JPH2: variants seen among roughly 807,000 people sequenced by gnomAD.
JPH2 encodes junctophilin-2.
In JPH2, 38 loss-of-function variants were observed where a neutral mutation model predicts 55.9. That is an observed-to-expected ratio of 0.68 (90% confidence interval 0.52 to 0.89). The LOEUF is 0.89. Ranked by LOEUF, JPH2 falls within the 40% of genes least tolerant of loss-of-function variation. The probability of loss-of-function intolerance (pLI) is 0.00; values close to 1 mark genes in which losing one functional copy is unlikely to be tolerated. For missense variants in JPH2, 964 were observed against 1,037.6 expected, an observed-to-expected ratio of 0.93 and a Z score of 0.97; for synonymous variants, 480 against 472.4, an observed-to-expected ratio of 1.02 and a Z score of -0.21.
chr20:44,185,636 G>GA (rs35246323), intron 1 of JPH2, among the ~76,000 whole-genome samples: 47 of 142,332 alleles, frequency 3.3e-4, no homozygotes, highest in East Asian at 1.0e-3. Flanking sequence ...ACTTGTCTTG[G>GA]AAAAAAAAAA....
At chr20:44,139,057 G>T (rs2072437283) in intron 2 of JPH2, among the ~76,000 whole-genome samples, 1 of 152,108 alleles carries the variant, frequency 6.6e-6, no homozygotes, top group Non-Finnish European at 1.5e-5. Flanking sequence ...CTGAGCTAAA[G>T]TCATCTCCCA....
intron 2 of JPH2, among the ~76,000 whole-genome samples, chr20:44,145,840 G>C (rs111547832): frequency 1.6e-4 from 25 of 152,112 alleles, no homozygotes; most frequent in African/African-American, 5.3e-4. Context: ...ACCCTAGCTG[G>C]GTCTCTGCCC....
At chr20:44,134,889 A>AAT (rs199653643) in intron 2 of JPH2, among the ~76,000 whole-genome samples, 544 of 37,022 alleles carry the variant, frequency 0.015, 15 homozygotes, top group African/African-American at 0.055. Flanking sequence ...TATATATATT[A>AAT]ATATATATTT....
chr20:44,175,178 A>G (rs933903910), intron 1 of JPH2, among the ~76,000 whole-genome samples: 7 of 152,180 alleles, frequency 4.6e-5, no homozygotes, highest in African/African-American at 1.7e-4. Flanking sequence ...CTGATCACAA[A>G]TAGACTAAAA....
chr20:44,172,594 G>A (rs1056613979), intron 1 of JPH2, among the ~76,000 whole-genome samples: 7 of 152,188 alleles, frequency 4.6e-5, no homozygotes, highest in African/African-American at 1.7e-4. Context: ...CTGGGCTAAA[G>A]TGATCCTCCC....
In JPH2 at chr20:44,158,900, G is replaced by A. The variant is rs149092356; in HGVS notation, c.1169+718C>T. 3.1e-3 allele frequency among the ~76,000 whole-genome samples: 473 copies of A among 152,282 alleles called. 6 individuals carry two copies. The highest frequency in any genetic ancestry group is 0.027 in the East Asian group (139 of 5,184). On this transcript the variant is annotated intron_variant, in intron 2 of 5. Transcript: ENST00000372980. ...AAGATGGGTGGCTGGGCAGCTGGAA[G>A]CAGCTGAGTGAATGCAGGTGATTGG... is the stretch of plus-strand genomic sequence containing the variant.
chr20:44,177,722 G>C lies in JPH2; in HGVS notation c.379+8605C>G, dbSNP rs6130557. ...ATCTACACTGGCAGGACTCAAGGCA[G>C]AACTAAGCGAATCAAAGTCTTGTCT... On this transcript the variant is annotated intron_variant, in intron 1 of 5. Transcript: ENST00000372980. 0.15 allele frequency: 201,975 copies of C among 1,368,662 alleles called. 17,169 individuals are homozygous for C. The highest frequency in any genetic ancestry group is 0.34 in the African/African-American group (23,113 of 68,298). 84.8% of individuals were successfully genotyped at this position (1,368,662 alleles called of 1,614,324 possible). A position where few individuals can be genotyped will look rare whatever the true frequency, so the allele number is the denominator to read the frequency against.
chr20:44,132,563 G>A (rs1383055840), intron 2 of JPH2, among the ~76,000 whole-genome samples: 1 of 151,642 alleles, frequency 6.6e-6, no homozygotes, highest in Admixed American at 6.6e-5. Flanking sequence ...GCCCAAGCAC[G>A]AGGCCGGAGA....
In JPH2 at chr20:44,177,482, G is replaced by A. The variant is rs2145895313; in HGVS notation, c.379+8845C>T. On this transcript the variant is annotated intron_variant, in intron 1 of 5. Transcript: ENST00000372980. The stretch of plus-strand genomic sequence containing the variant: ...ATGAATCACTGAAAACAAGGCCGTG[G>A]ACAGGAAAGACTAATACGGTCCGCT... The A allele has an allele frequency of 9.0e-6, 9 of 995,294 alleles. No homozygotes were observed. In the South Asian group the frequency reaches 2.2e-4, roughly 25 times the overall value. 61.7% of individuals were successfully genotyped at this position (995,294 alleles called of 1,614,324 possible).
chr20:44,126,670 G>T (rs1391506506), intron 2 of JPH2, among the ~76,000 whole-genome samples: 1 of 152,142 alleles, frequency 6.6e-6, no homozygotes, highest in Non-Finnish European at 1.5e-5. Context: ...TGACCCATGG[G>T]ACCTTCCTCT....
At chr20:44,129,511 C>T (rs556967570) in intron 2 of JPH2, among the ~76,000 whole-genome samples, 74 of 143,346 alleles carry the variant, frequency 5.2e-4, no homozygotes, top group African/African-American at 1.6e-3. Context: ...GCCGAGATTG[C>T]GCCACTGCAC....
rs566106880 is a variant in JPH2, at chr20:44,168,678, C to T, written c.380-8271G>A. Among the ~76,000 whole-genome samples, 6 of 152,346 alleles carry T rather than the reference C, an allele frequency of 3.9e-5. No individual in the cohort carries two copies. The South Asian group carries it at 1.2e-3, about 32-fold the overall frequency. ...TCACAGCCAAGCGTCCTGACTAGTG[C>T]TTTCACCTCTAAGAATATGAGAACT... On this transcript the variant is annotated intron_variant, in intron 1 of 5. Transcript: ENST00000372980.
In JPH2 at chr20:44,160,463, A is replaced by T. The variant is rs2072602879; in HGVS notation, c.380-56T>A. The T allele has an allele frequency of 6.4e-7, 1 of 1,572,890 alleles. No individual in the cohort carries two copies. Reference sequence around the variant, plus strand: ...CGGCACGACGGGTCCCCGCGTGTGCACGGTGGCCTGGGAGGGCAAGGGCGG... The same window carrying T: ...CGGCACGACGGGTCCCCGCGTGTGCTCGGTGGCCTGGGAGGGCAAGGGCGG... On this transcript the variant is annotated intron_variant, in intron 1 of 5. Transcript: ENST00000372980. This position sits in a 1 kb window ranked among gnomAD's most constrained non-coding sequence, Gnocchi z 4.9.
intron 2 of JPH2, among the ~76,000 whole-genome samples, chr20:44,134,696 T>TAAAG (rs2072388303): frequency 2.0e-5 from 1 of 49,420 alleles, no homozygotes; most frequent in Non-Finnish European, 3.4e-5. Context: ...TATAAATATA[T>TAAAG]ATACATTAAT....
intron 2 of JPH2, among the ~76,000 whole-genome samples, chr20:44,157,736 C>T (rs1051038817): frequency 1.3e-5 from 2 of 152,236 alleles, no homozygotes; most frequent in Admixed American, 6.5e-5. Context: ...GCCAACTGAT[C>T]TGCCCACATC....
Position 44,110,252 on chromosome 20 carries a change from T to A in JPH2, c.*3266A>T, listed in dbSNP as rs148522227. On this transcript the variant is annotated 3_prime_UTR_variant, in exon 6 of 6. Transcript: ENST00000372980. ...CACACACACACACAGACACACCCCA[T>A]CTGCAGACCGGCCAACTGGGCTGGC... 2.2e-4 allele frequency among the ~76,000 whole-genome samples: 34 copies of A among 151,978 alleles called. No individual in the cohort carries two copies. The East Asian group carries it at 5.4e-3, about 24-fold the overall frequency.
At position 44,107,110 on chromosome 20, in the gene JPH2, A is replaced by G. The variant is rs1048026440; in HGVS notation, c.*6408T>C. 1.3e-5 allele frequency among the ~76,000 whole-genome samples: 2 copies of G among 152,220 alleles called. No individual in the cohort carries two copies. The highest frequency in any genetic ancestry group is 4.8e-5 in the African/African-American group (2 of 41,470). On this transcript the variant is annotated 3_prime_UTR_variant, in exon 6 of 6. Transcript: ENST00000372980. ...GGTGACTCTCAGTGTCTGCTCCTGC[A>G]GAATCCAATCAGTGATGGCATCTTC...
In JPH2 at chr20:44,159,587, C is replaced by T. The variant is rs768064631; in HGVS notation, c.1169+31G>A. On this transcript the variant is annotated intron_variant, in intron 2 of 5. Transcript: ENST00000372980. This position sits in a 1 kb window ranked among gnomAD's most constrained non-coding sequence, Gnocchi z 5.7. Reference sequence around the variant, plus strand: ...CAGGACCCCCTTCTCCGAGGGGAGGCGACCCCTTCCCACCCCCACCGCTGT... The same window carrying T: ...CAGGACCCCCTTCTCCGAGGGGAGGTGACCCCTTCCCACCCCCACCGCTGT... 1.3e-5 allele frequency: 21 copies of T among 1,582,264 alleles called. No homozygotes were observed. The Admixed American group carries it at 3.4e-4, about 26-fold the overall frequency.
intron 2 of JPH2, among the ~76,000 whole-genome samples, chr20:44,127,811 A>G (rs1015202962): frequency 2.1e-4 from 32 of 152,200 alleles, no homozygotes; most frequent in Admixed American, 1.8e-3. Flanking sequence ...GATTGTTGCC[A>G]TACTAGAGGT....
Sources: gnomAD v4.1 joint callset for allele counts (sites outside exome capture counted in the v4.1 genomes callset) on GRCh38, gnomAD v4.1.1 for gene constraint, Gnocchi (gnomAD v3.1) non-coding constraint, MANE v1.5 for transcripts, NCBI Gene and HGNC (gene_info 2026-07-23, HGNC 2026-07-21) for gene names.